PIAS1: variants seen among roughly 807,000 people sequenced by gnomAD.
PIAS1 encodes the protein protein inhibitor of activated STAT 1.
In PIAS1, 6 loss-of-function variants were observed where a neutral mutation model predicts 71.3. The observed-to-expected ratio is 0.08, with a 90% CI of 0.05 to 0.17. The LOEUF (loss-of-function observed/expected upper bound fraction) is 0.17, where lower values mean the gene tolerates loss of function less well. Ranked by LOEUF, PIAS1 falls within the 10% of genes least tolerant of loss-of-function variation. The pLI, the probability that PIAS1 is intolerant of heterozygous loss-of-function variation, is 1.00. For missense variants in PIAS1, 555 were observed against 793.6 expected (o/e 0.70, Z 3.61); for synonymous variants, 303 against 292.9 (o/e 1.03, Z -0.35).
At chr15:68,101,846 G>A (rs1244904096) in intron 2 of PIAS1, among the ~76,000 whole-genome samples, 1 of 152,106 alleles carries the variant, frequency 6.6e-6, no homozygotes, top group Non-Finnish European at 1.5e-5. Context: ...GAACTGCTGG[G>A]CTCAGGCAAT....
rs183590995 is a variant in PIAS1, at chr15:68,167,522, T to G, written c.1008+2718T>G. Among the ~76,000 whole-genome samples, 20 of 152,296 alleles carry G rather than the reference T, an allele frequency of 1.3e-4. No homozygotes were observed. Among genetic ancestry groups the G allele is most frequent in the Non-Finnish European group, 2.5e-4 (17 of 68,028 alleles). ...AGGCAACAAAAATAATTAAAAATGT[T>G]TTTACTCTTTGGGAATTTTATGGTT... On this transcript the variant is annotated intron_variant, in intron 8 of 13. Transcript: ENST00000249636. The surrounding 1 kb of genome is among the most constrained non-coding windows in gnomAD (Gnocchi z 4.4).
chr15:68,113,667 T>G (rs967753820), intron 2 of PIAS1, among the ~76,000 whole-genome samples: 1 of 152,082 alleles, frequency 6.6e-6, no homozygotes, highest in Non-Finnish European at 1.5e-5. Context: ...AGGAATAATG[T>G]AAAGTTAGAA....
intron 1 of PIAS1, among the ~76,000 whole-genome samples, chr15:68,056,777 A>G (rs1428855726): frequency 6.6e-6 from 1 of 152,140 alleles, no homozygotes; most frequent in Non-Finnish European, 1.5e-5. Context: ...AAAAAAGAGA[A>G]TGTGTATATA....
At chr15:68,122,755 A>G (rs2092622263) in intron 2 of PIAS1, among the ~76,000 whole-genome samples, 1 of 152,178 alleles carries the variant, frequency 6.6e-6, no homozygotes, top group African/African-American at 2.4e-5. Context: ...AACAGAAGTG[A>G]TATGATCAGC....
intron 6 of PIAS1, among the ~76,000 whole-genome samples, chr15:68,148,182 T>G (rs1434688723): frequency 1.3e-5 from 2 of 152,110 alleles, no homozygotes; most frequent in East Asian, 3.8e-4. Context: ...AGGGAGGGCT[T>G]CCCTGAGGAA....
chr15:68,187,848 G>A lies in PIAS1; in HGVS notation c.*13G>A, dbSNP rs551651840. On this transcript the variant is annotated 3_prime_UTR_variant, in exon 14 of 14. Transcript: ENST00000249636. The surrounding 1 kb of genome is among the most constrained non-coding windows in gnomAD (Gnocchi z 5.3). ...TTCATTGGACTGATTCCCAGGCCCT[G>A]CTGCTCCCATCCCCACCCCAGATCG... 2 of 1,607,058 alleles carry A rather than the reference G, an allele frequency of 1.2e-6. No homozygotes were observed. The highest frequency in any genetic ancestry group is 2.2e-5 in the South Asian group (2 of 90,420).
chr15:68,056,030 A>G, intron 1 of PIAS1: 1 of 635,956 alleles, frequency 1.6e-6, no homozygotes, highest in Non-Finnish European at 2.9e-6. Context: ...CTATTGACTG[A>G]AATGAGAAAG....
At chr15:68,101,910 C>A (rs147868093) in intron 2 of PIAS1, among the ~76,000 whole-genome samples, 1 of 152,034 alleles carries the variant, frequency 6.6e-6, no homozygotes, top group African/African-American at 2.4e-5. Flanking sequence ...GCCATCGCGC[C>A]CAACTAATTT....
intron 10 of PIAS1, among the ~76,000 whole-genome samples, chr15:68,176,032 C>T (rs1430662961): frequency 6.6e-6 from 1 of 151,924 alleles, no homozygotes; most frequent in Non-Finnish European, 1.5e-5. Flanking sequence ...TGAAACTGTA[C>T]CCTTTTTAAA....
Position 68,054,379 on chromosome 15 carries a change from T to A in PIAS1, c.24+29T>A. ...AAGCGCAGCTCGAATTCACTTCTAA[T>A]ATTCGGCCGCGGAGACGGCGCCGCT... is the stretch of plus-strand genomic sequence containing the variant. On this transcript the variant is annotated intron_variant, in intron 1 of 13. Coordinates refer to ENST00000249636, the MANE Select transcript of PIAS1 (RefSeq NM_016166.3). The surrounding 1 kb of genome is among the most constrained non-coding windows in gnomAD (Gnocchi z 4.6). 1 of 1,560,176 alleles carries A rather than the reference T, an allele frequency of 6.4e-7. No individual in the cohort carries two copies. Among genetic ancestry groups the A allele is most frequent in the Non-Finnish European group, 8.7e-7 (1 of 1,152,334 alleles).
intron 2 of PIAS1, among the ~76,000 whole-genome samples, chr15:68,089,256 AAAT>A (rs2092313265): frequency 2.6e-5 from 4 of 152,200 alleles, no homozygotes; most frequent in Admixed American, 2.6e-4. Context: ...AAACAATTTA[AAAT>A]AATTTTAAGG....
chr15:68,140,425 G>A (rs1209328636), intron 2 of PIAS1, among the ~76,000 whole-genome samples: 1 of 152,150 alleles, frequency 6.6e-6, no homozygotes, highest in Non-Finnish European at 1.5e-5. Flanking sequence ...CCTGACAGAG[G>A]GAAATGTTAG....
intron 2 of PIAS1, among the ~76,000 whole-genome samples, chr15:68,104,968 A>G (rs1197406883): frequency 1.3e-5 from 2 of 152,170 alleles, no homozygotes; most frequent in Non-Finnish European, 1.5e-5. Flanking sequence ...GCTTTACTTT[A>G]GATTATTTTG....
At chr15:68,104,117 T>C (rs551554825) in intron 2 of PIAS1, among the ~76,000 whole-genome samples, 1 of 152,208 alleles carries the variant, frequency 6.6e-6, no homozygotes, top group Non-Finnish European at 1.5e-5. Flanking sequence ...ATGCCTTTTT[T>C]AATATAGTCA....
At chr15:68,142,931 A>G (rs562728112) in intron 4 of PIAS1, among the ~76,000 whole-genome samples, 3 of 152,288 alleles carry the variant, frequency 2.0e-5, no homozygotes, top group African/African-American at 7.2e-5. Flanking sequence ...TCTCTTAAAA[A>G]TGTTCAAAGA....
intron 1 of PIAS1, chr15:68,057,720 T>A: frequency 4.5e-6 from 1 of 224,488 alleles, no homozygotes; most frequent in South Asian, 4.9e-5. Context: ...GGATTTGATT[T>A]GAATCTCTAT....
intron 1 of PIAS1, among the ~76,000 whole-genome samples, chr15:68,071,309 C>T (rs367587022): frequency 6.9e-5 from 10 of 145,192 alleles, no homozygotes; most frequent in African/African-American, 2.0e-4. Context: ...CTCTGTCGCC[C>T]AGGTTTAAGC....
chr15:68,068,889 T>A (rs973038964), intron 1 of PIAS1, among the ~76,000 whole-genome samples: 36 of 135,090 alleles, frequency 2.7e-4, no homozygotes, highest in Non-Finnish European at 4.1e-4. Context: ...TAAATGTTTT[T>A]GTCCTTTTTT....
intron 7 of PIAS1, among the ~76,000 whole-genome samples, chr15:68,158,202 C>T (rs1282649153): frequency 6.6e-6 from 1 of 152,108 alleles, no homozygotes; most frequent in Non-Finnish European, 1.5e-5. Context: ...TCCAGGGTCG[C>T]CTGTATTCAC....
Sources: gnomAD v4.1 joint callset for allele counts (sites outside exome capture counted in the v4.1 genomes callset) on GRCh38, gnomAD v4.1.1 for gene constraint, Gnocchi (gnomAD v3.1) non-coding constraint, MANE v1.5 for transcripts, NCBI Gene and HGNC (gene_info 2026-07-23, HGNC 2026-07-21) for gene names.